The following P4HA2 variants were observed in gnomAD, a reference collection of about 807,000 sequenced individuals.
P4HA2 encodes prolyl 4-hydroxylase subunit alpha-2.
Under a neutral mutation model 76.9 loss-of-function variants are expected in P4HA2, and 46 were observed. The observed-to-expected ratio is 0.60, with a 90% CI of 0.47 to 0.76. The LOEUF (loss-of-function observed/expected upper bound fraction) is 0.76. Among genes scored for constraint, P4HA2 ranks in the 30% least tolerant of loss-of-function variants. The pLI is 0.00. For synonymous variants in P4HA2, 243 were observed against 254.0 expected (o/e 0.96, Z 0.41); for missense variants, 583 against 669.4 (o/e 0.87, Z 1.42).
In P4HA2 at chr5:132,204,099, G is replaced by A. The variant is rs1356311716; in HGVS notation, c.1134C>T (p.Ser378=). 6.2e-7 allele frequency: 1 copy of A among 1,613,818 alleles called. No homozygotes were observed. Residue 378 remains serine, a synonymous_variant, in exon 9 of 15, where the codon AGC becomes AGT. Transcript: ENST00000360568. ...DPKTGVLTVA[S]YRVSKSSWLE... is the part of the protein sequence containing the mutation. ...TTGCTTACCTTTTGGAAACCCGGTA[G>A]CTGGCGACAGTGAGGACTCCTGTCT...
chr5:132,210,610 T>C, intron 5 of P4HA2, 87 bp from the exon 6 acceptor site: 1 of 1,345,336 alleles, frequency 7.4e-7, no homozygotes, highest in Admixed American at 1.7e-5. Context: ...CCTGAGCCAC[T>C]GGATAGGGGG....
chr5:132,213,859 T>G, intron 5 of P4HA2, 57 bp downstream of exon 5: 2 of 1,577,600 alleles, frequency 1.3e-6, no homozygotes, highest in Non-Finnish European at 1.7e-6. Flanking sequence ...GGCTCCAACC[T>G]GTCCCGCCAC....
rs1232690210 is a variant in P4HA2 at position 132,195,290 on chromosome 5, C to T, written c.1434+122G>A. ...AGAAGCTGGGCTACCAGGTCAGACC[C>T]CAGGTGGGCTAAGGCACATCACAGT... On this transcript the variant is annotated intron_variant, in intron 13 of 14. Coordinates refer to ENST00000360568, the MANE Select transcript of P4HA2 (RefSeq NM_001017974.2). 6 of 780,644 alleles carry T rather than the reference C, an allele frequency of 7.7e-6. No homozygotes were observed. The African/African-American group carries it at 1.0e-4, about 13-fold the overall frequency. The allele number at this position is 780,644 out of a possible 1,614,324, so 48.4% of individuals were successfully genotyped here.
chr5:132,217,493 C>A, intron 3 of P4HA2, 145 bp from the exon 4 acceptor site: 1 of 721,232 alleles, frequency 1.4e-6, no homozygotes, highest in East Asian at 2.6e-5. Flanking sequence ...CAGTAACTCC[C>A]CACAGATACT....
At chr5:132,203,658 G>A in intron 10 of P4HA2, 90 bp downstream of exon 10, 1 of 781,074 alleles carries the variant, frequency 1.3e-6, no homozygotes, top group African/African-American at 1.7e-5. Flanking sequence ...ATACAGTTGG[G>A]CCTCTTGGCC....
At chr5:132,220,841 C>T (rs1754562203) in intron 1 of P4HA2, among the ~76,000 whole-genome samples, 1 of 152,156 alleles carries the variant, frequency 6.6e-6, no homozygotes, top group African/African-American at 2.4e-5. Flanking sequence ...TTACAGATGA[C>T]TTACCTACCA....
At chr5:132,206,059 T>A (rs1357014578) in intron 8 of P4HA2, among the ~76,000 whole-genome samples, 1 of 152,168 alleles carries the variant, frequency 6.6e-6, no homozygotes. Flanking sequence ...AGAAGCCATG[T>A]TAAGAGCCAA....
chr5:132,221,181 T>A (rs1480284483), intron 1 of P4HA2, among the ~76,000 whole-genome samples: 1 of 152,216 alleles, frequency 6.6e-6, no homozygotes, highest in Non-Finnish European at 1.5e-5. Flanking sequence ...AAAGTATGTG[T>A]ACCTGCTGAG....
At chr5:132,226,149 C>A (rs1273309446) in intron 1 of P4HA2, among the ~76,000 whole-genome samples, 1 of 152,192 alleles carries the variant, frequency 6.6e-6, no homozygotes, top group Non-Finnish European at 1.5e-5. Flanking sequence ...AATCCTAGTT[C>A]ATTTAACAGA....
At chr5:132,204,205 C>A (rs1490820091) in intron 8 of P4HA2, 53 bp from the exon 9 acceptor site, 2 of 1,428,258 alleles carry the variant, frequency 1.4e-6, no homozygotes, top group Admixed American at 1.7e-5. Flanking sequence ...TTTGTTTTGC[C>A]TTGAATATTT....
chr5:132,195,275 C>T (rs1750465229), intron 13 of P4HA2, 137 bp downstream of exon 13: 3 of 715,938 alleles, frequency 4.2e-6, no homozygotes, highest in Non-Finnish European at 7.4e-6. Context: ...AGAAGCTGGG[C>T]TACCAGGTCA....
intron 14 of P4HA2, 133 bp downstream of exon 14, chr5:132,194,793 C>A: frequency 1.4e-6 from 1 of 709,308 alleles, no homozygotes. Context: ...GTAATAACAG[C>A]AGAAAAAAAC....
rs774792239 is a variant in P4HA2 at position 132,195,407 on chromosome 5, C to T, written c.1434+5G>A. 2 of 1,606,754 alleles carry T rather than the reference C, an allele frequency of 1.2e-6. No individual in the cohort carries two copies. The highest frequency in any genetic ancestry group is 8.5e-7 in the Non-Finnish European group (1 of 1,173,250). On this transcript the variant is annotated splice_donor_5th_base_variant and intron_variant, in intron 13 of 14. Transcript: ENST00000360568. Reference sequence around the variant, plus strand: ...AACCTCTGACCCACAAGAATCAGAACTTACCTTCTTAGGCCAAATTGCAGC... The same window carrying T: ...AACCTCTGACCCACAAGAATCAGAATTTACCTTCTTAGGCCAAATTGCAGC...
intron 11 of P4HA2, among the ~76,000 whole-genome samples, 167 bp from the exon 12 acceptor site, chr5:132,198,547 C>T (rs746314137): frequency 5.9e-5 from 9 of 152,080 alleles, no homozygotes; most frequent in Admixed American, 3.3e-4. Flanking sequence ...ATGGAGTAGA[C>T]GGGGAAGAGG....
chr5:132,220,386 G>A (rs572726914), intron 1 of P4HA2, among the ~76,000 whole-genome samples: 14 of 152,336 alleles, frequency 9.2e-5, no homozygotes, highest in African/African-American at 3.4e-4. Context: ...CATAGAGCTG[G>A]GAGGATGTAT....
rs147760022 is a variant in P4HA2, at chr5:132,204,125, T to G, written c.1108A>C (p.Lys370Gln). 6 of 1,613,844 alleles carry G rather than the reference T, an allele frequency of 3.7e-6. No individual in the cohort carries two copies. Among genetic ancestry groups the G allele is most frequent in the Non-Finnish European group, 5.1e-6 (6 of 1,179,824 alleles). ...CTGGCGACAGTGAGGACTCCTGTCT[T>G]GGGATCACGAACGGTGGCTCGTGCA... ...KLARATVRDP[K>Q]TGVLTVASYR... The change falls in exon 9 of 15, where the codon AAG (lysine) becomes CAG (glutamine). Residue 370 changes from lysine to glutamine, a missense_variant. Physicochemically the swap from Lys to Gln is moderately conservative, Grantham distance 53 (BLOSUM62 1). Coordinates refer to ENST00000360568, the MANE Select transcript of P4HA2 (RefSeq NM_001017974.2).
At chr5:132,210,555 A>G in intron 5 of P4HA2, 32 bp from the exon 6 acceptor site, 2 of 1,611,118 alleles carry the variant, frequency 1.2e-6, no homozygotes, top group East Asian at 2.2e-5. Flanking sequence ...GTCAGGCTCC[A>G]AAGAGCCTCT....
At chr5:132,225,146 A>G (rs982953848) in intron 1 of P4HA2, among the ~76,000 whole-genome samples, 91 of 151,872 alleles carry the variant, frequency 6.0e-4, no homozygotes, top group African/African-American at 2.1e-3. Context: ...TCTTTGCTCT[A>G]GGACAGGCTG....
chr5:132,209,735 A>G (rs1752793001), intron 6 of P4HA2, among the ~76,000 whole-genome samples: 1 of 138,436 alleles, frequency 7.2e-6, no homozygotes, highest in Admixed American at 7.8e-5. Context: ...AGATCGTGCC[A>G]CTGCTCTCCA....
Sources: allele counts gnomAD v4.1 joint callset (sites outside exome capture counted in the v4.1 genomes callset), GRCh38; gene constraint gnomAD v4.1.1; transcripts MANE v1.5; gene names NCBI Gene and HGNC (gene_info 2026-07-23, HGNC 2026-07-21).